GEMIN5: variants seen among roughly 807,000 people sequenced by gnomAD.
GEMIN5 encodes the protein gem-associated protein 5.
Under a neutral mutation model 176.9 loss-of-function variants are expected in GEMIN5, and 124 were observed. That is an observed-to-expected ratio of 0.70 (90% CI 0.61 to 0.81). GEMIN5 has a LOEUF of 0.81. Ranked by LOEUF, GEMIN5 falls within the 40% of genes least tolerant of loss-of-function variation. GEMIN5 has a pLI of 0.00. For synonymous variants in GEMIN5, 673 were observed against 665.2 expected (o/e 1.01, Z -0.18); for missense variants, 1,843 against 1,814.6 (o/e 1.02, Z -0.28).
chr5:154,930,619 C>T (rs1173191625), intron 5 of GEMIN5, among the ~76,000 whole-genome samples: 2 of 152,072 alleles, frequency 1.3e-5, no homozygotes, highest in African/African-American at 4.8e-5. Flanking sequence ...TATAACTTCA[C>T]TCAAAGGAAA....
chr5:154,924,577 G>C (rs371379446), intron 8 of GEMIN5, 23 bp from the exon 9 acceptor site: 2 of 1,502,512 alleles, frequency 1.3e-6, no homozygotes, highest in African/African-American at 1.4e-5. Context: ...GAGTTTCCAA[G>C]TGAGAATATA....
chr5:154,933,481 C>A (rs1402800233), intron 3 of GEMIN5, among the ~76,000 whole-genome samples: 1 of 152,042 alleles, frequency 6.6e-6, no homozygotes, highest in Non-Finnish European at 1.5e-5. Flanking sequence ...CACTTTTTTA[C>A]AACAAAAAAA....
At position 154,925,868 on chromosome 5, in the gene GEMIN5, A is replaced by C. The variant is rs753681970; in HGVS notation, c.1287T>G (p.Val429=). The part of the protein sequence containing the change: ...KNFWQGVKSK[V]TALCWHPTKE... ...TCAAAAAAAGAATCCTTACCGCTGT[A>C]ACCTTGGACTTCACGCCTTGCCAAA... The change falls in exon 8 of 28, where the codon GTT becomes GTG. Residue 429 remains valine, a synonymous_variant. Transcript: ENST00000285873. The C allele has an allele frequency of 1.3e-6, 2 of 1,594,854 alleles. No individual in the cohort carries two copies. The highest frequency in any genetic ancestry group is 3.3e-5 in the Admixed American group (2 of 59,952).
intron 15 of GEMIN5, among the ~76,000 whole-genome samples, chr5:154,909,087 T>C (rs1392375854): frequency 1.3e-5 from 2 of 151,896 alleles, no homozygotes; most frequent in East Asian, 1.9e-4. Context: ...GCCTCTTGAA[T>C]AGCTGGGACT....
In GEMIN5 at chr5:154,901,355, A is replaced by C. The variant is rs1763459819; in HGVS notation, c.2998T>G (p.Ser1000Ala). 2 of 1,613,930 alleles carry C rather than the reference A, an allele frequency of 1.2e-6. No individual in the cohort carries two copies. The highest frequency in any genetic ancestry group is 1.7e-6 in the Non-Finnish European group (2 of 1,179,910). The change falls in exon 21 of 28, where the codon TCA becomes GCA. Residue 1000 changes from serine (S) to alanine (A), a missense_variant. Transcript: ENST00000285873. ...KVYEAVELLK[S>A]NHFYREAIAI... Reference sequence around the variant, plus strand: ...CACACAGACCTGTAAAAATGGTTTGACTTGAGCAGCTCCACCGCTTCATAC... The same window carrying C: ...CACACAGACCTGTAAAAATGGTTTGCCTTGAGCAGCTCCACCGCTTCATAC...
chr5:154,910,965 TG>T (rs1326679789), intron 15 of GEMIN5, among the ~76,000 whole-genome samples: 1 of 152,218 alleles, frequency 6.6e-6, no homozygotes, highest in Non-Finnish European at 1.5e-5. Flanking sequence ...CCCAAAGTGC[TG>T]GGATTACAGG....
rs756806559 is a variant in GEMIN5, at chr5:154,907,794, T to C, written c.2192A>G (p.Lys731Arg). 7.4e-6 allele frequency: 12 copies of C among 1,613,518 alleles called. No individual in the cohort carries two copies. Among genetic ancestry groups the C allele is most frequent in the Non-Finnish European group, 1.0e-5 (12 of 1,179,840 alleles). ...PQGKKSIELE[K>R]KRLSQPKAKP... ...TGCCTTAGGTTGAGAGAGCCGTTTT[T>C]TCTCCAATTCAATACTTTTTTTGCC... The change falls in exon 16 of 28, where the codon AAA becomes AGA. Residue 731 changes from lysine to arginine, a missense_variant. Lys to Arg is a conservative substitution (Grantham distance 26, BLOSUM62 2). Coordinates refer to ENST00000285873, the MANE Select transcript of GEMIN5 (RefSeq NM_015465.5).
chr5:154,935,776 A>G (rs555684990), intron 3 of GEMIN5, 65 bp downstream of exon 3: 3 of 1,154,388 alleles, frequency 2.6e-6, no homozygotes, highest in Non-Finnish European at 3.8e-6. Flanking sequence ...CAGAGAAGGT[A>G]AAGAAAATGC....
At chr5:154,919,170 A>C (rs1162037726) in intron 11 of GEMIN5, among the ~76,000 whole-genome samples, 7 of 152,196 alleles carry the variant, frequency 4.6e-5, no homozygotes, top group African/African-American at 1.7e-4. Context: ...CTCTACTTAA[A>C]AAATACAAAA....
Position 154,902,682 on chromosome 5 carries a change from T to G in GEMIN5, c.2729-6A>C, listed in dbSNP as rs745501518. 6.2e-7 allele frequency: 1 copy of G among 1,613,504 alleles called. No homozygotes were observed. The highest frequency in any genetic ancestry group is 8.5e-7 in the Non-Finnish European group (1 of 1,179,614). On this transcript the variant is annotated splice_region_variant and splice_polypyrimidine_tract_variant and intron_variant, in intron 19 of 27. Transcript: ENST00000285873. ...ATTTTCTAAGTGACCTTTTCCTGTTTGAAAGAGAGATAATGTTTGGAAGGT... is the reference window on the plus strand; with the variant it reads ...ATTTTCTAAGTGACCTTTTCCTGTTGGAAAGAGAGATAATGTTTGGAAGGT...
At position 154,907,572 on chromosome 5, in the gene GEMIN5, A is replaced by G. The variant is rs1374244257; in HGVS notation, c.2395+19T>C. ...CACGACCATGAAATCCTAGTGATAC[A>G]CAGGATTCTGCCACATACCCGCTGG... On this transcript the variant is annotated intron_variant, in intron 16 of 27. Coordinates refer to ENST00000285873, the MANE Select transcript of GEMIN5 (RefSeq NM_015465.5). 3 of 1,573,366 alleles carry G rather than the reference A, an allele frequency of 1.9e-6. No individual in the cohort carries two copies. The highest frequency in any genetic ancestry group is 2.6e-6 in the Non-Finnish European group (3 of 1,142,984).
intron 26 of GEMIN5, among the ~76,000 whole-genome samples, chr5:154,890,998 T>C (rs927891503): frequency 2.7e-5 from 4 of 150,182 alleles, no homozygotes; most frequent in Admixed American, 6.7e-5. Flanking sequence ...TCAAGTGATC[T>C]GCCCACCTCG....
chr5:154,924,862 G>A (rs574656890), intron 8 of GEMIN5, among the ~76,000 whole-genome samples: 8 of 152,008 alleles, frequency 5.3e-5, no homozygotes, highest in South Asian at 2.1e-4. Context: ...GGTGGCGGGC[G>A]CCTGTAGTCC....
Position 154,925,903 on chromosome 5 carries a change from C to A in GEMIN5, c.1252G>T (p.Val418Leu). The A allele has an allele frequency of 6.2e-7, 1 of 1,613,912 alleles. No homozygotes were observed. The highest frequency in any genetic ancestry group is 8.5e-7 in the Non-Finnish European group (1 of 1,179,792). ...TTCACGCCTTGCCAAAAATTTTTCA[C>A]ATCATAGTTGTTCTTTATGGAGAGT... ...NTLSIKNNYD[V>L]KNFWQGVKSK... is the part of the protein sequence containing the mutation. The change falls in exon 8 of 28, where the codon GTG (valine) becomes TTG (leucine). Residue 418 changes from valine to leucine, a missense_variant. Transcript: ENST00000285873.
At position 154,912,883 on chromosome 5, in the gene GEMIN5, A is replaced by C. The variant is rs1207168873; in HGVS notation, c.1995+16T>G. 1 of 1,607,944 alleles carries C rather than the reference A, an allele frequency of 6.2e-7. No individual in the cohort carries two copies. The highest frequency in any genetic ancestry group is 8.5e-7 in the Non-Finnish European group (1 of 1,176,396). On this transcript the variant is annotated intron_variant, in intron 14 of 27. Transcript: ENST00000285873. ...TACACAGTGAAGGACCCACAGGGAC[A>C]AGGACACAATAGTACCTGGGCTGTA...
chr5:154,927,333 C>T, intron 7 of GEMIN5, 52 bp downstream of exon 7: 4 of 1,265,930 alleles, frequency 3.2e-6, no homozygotes, highest in Non-Finnish European at 4.5e-6. Context: ...CTCATCCCAC[C>T]CAAGTTGTAA....
chr5:154,912,490 T>G (rs112076278), intron 14 of GEMIN5, among the ~76,000 whole-genome samples: 285 of 152,332 alleles, frequency 1.9e-3, no homozygotes, highest in African/African-American at 6.5e-3. Context: ...GCTTGGCATT[T>G]CATCTTTATT....
At chr5:154,913,340 G>A (rs1011404107) in intron 13 of GEMIN5, among the ~76,000 whole-genome samples, 2 of 152,102 alleles carry the variant, frequency 1.3e-5, no homozygotes, top group Non-Finnish European at 2.9e-5. Context: ...TAAGAGTGTG[G>A]ACACATCCAC....
In GEMIN5 at chr5:154,899,174, C is replaced by G; in HGVS notation, c.3134+17G>C. ...GCTCTCCTATGTTGGAAGCATCCCT[C>G]CACTCCTCAGGCTTACCATTTGGCA... is the stretch of plus-strand genomic sequence containing the variant. On this transcript the variant is annotated intron_variant, in intron 22 of 27. Coordinates refer to ENST00000285873, the MANE Select transcript of GEMIN5 (RefSeq NM_015465.5). The G allele has an allele frequency of 6.2e-7, 1 of 1,601,738 alleles. No homozygotes were observed. The highest frequency in any genetic ancestry group is 1.1e-5 in the South Asian group (1 of 88,590).
Sources: gnomAD v4.1 joint callset for allele counts (sites outside exome capture counted in the v4.1 genomes callset) on GRCh38, gnomAD v4.1.1 for gene constraint, MANE v1.5 for transcripts, NCBI Gene and HGNC (gene_info 2026-07-23, HGNC 2026-07-21) for gene names.